DPP10: variants seen among roughly 807,000 people sequenced by gnomAD.
DPP10 encodes dipeptidyl peptidase like 10.
Under a neutral mutation model 120.9 loss-of-function variants are expected in DPP10, and 33 were observed. That is an observed-to-expected ratio of 0.27 (90% CI 0.21 to 0.37). The LOEUF is 0.37. DPP10 is among the 10% of genes least tolerant of loss of function. DPP10 has a pLI of 1.00. For synonymous variants in DPP10, 337 were observed against 326.1 expected, an observed-to-expected ratio of 1.03 and a Z score of -0.36; for missense variants, 816 against 942.8, an observed-to-expected ratio of 0.87 and a Z score of 1.76.
intron 1 of DPP10, among the ~76,000 whole-genome samples, chr2:115,255,548 T>C (rs529537938): frequency 1.3e-5 from 2 of 152,204 alleles, no homozygotes; most frequent in Non-Finnish European, 2.9e-5. Flanking sequence ...TGGGGTTTTC[T>C]TTTCTATCAT....
At chr2:114,853,679 G>T (rs1689149457) in intron 1 of DPP10, among the ~76,000 whole-genome samples, 1 of 152,134 alleles carries the variant, frequency 6.6e-6, no homozygotes, top group South Asian at 2.1e-4. Flanking sequence ...TGCAACTTGG[G>T]AGACTGTGAG....
chr2:115,365,258 C>G (rs894920295), intron 3 of DPP10, among the ~76,000 whole-genome samples: 1 of 151,966 alleles, frequency 6.6e-6, no homozygotes, highest in Non-Finnish European at 1.5e-5. Flanking sequence ...GATGGATTTG[C>G]TGAAATCCAG....
At chr2:114,608,442 G>T (rs773910078) in intron 1 of DPP10, among the ~76,000 whole-genome samples, 1 of 152,150 alleles carries the variant, frequency 6.6e-6, no homozygotes, top group Non-Finnish European at 1.5e-5. Context: ...TTTGCAGCTC[G>T]AGAAAGATGA....
Position 115,794,183 on chromosome 2 carries a change from C to T in DPP10, c.1700+2827C>T, listed in dbSNP as rs533113484. On this transcript the variant is annotated intron_variant, in intron 19 of 25. Coordinates refer to ENST00000410059, the MANE Select transcript of DPP10 (RefSeq NM_020868.6). ...TCATTCAGTGATTTTGGTGTCAGTA[C>T]TTTATTGCAATTTTGTGCCATATAT... 2.0e-5 allele frequency among the ~76,000 whole-genome samples: 3 copies of T among 152,190 alleles called. No homozygotes were observed. In the East Asian group the frequency reaches 5.8e-4, roughly 29 times the overall value.
chr2:114,448,434 G>T (rs1678064135), intron 1 of DPP10, among the ~76,000 whole-genome samples: 1 of 152,160 alleles, frequency 6.6e-6, no homozygotes. Context: ...AAGACATTAT[G>T]GGTCTACAAA....
intron 7 of DPP10, among the ~76,000 whole-genome samples, chr2:115,698,941 A>G (rs1362222954): frequency 6.6e-6 from 1 of 151,600 alleles, no homozygotes; most frequent in Admixed American, 6.6e-5. Context: ...TAGATAATTA[A>G]AAACAGAGAA....
intron 21 of DPP10, among the ~76,000 whole-genome samples, chr2:115,820,431 C>CTTTTTTTTTTTT (rs981405979): frequency 7.2e-6 from 1 of 138,644 alleles, no homozygotes; most frequent in Non-Finnish European, 1.6e-5. Flanking sequence ...ATTTTTTTTT[C>CTTTTTTTTTTTT]TTTTTTTTTT....
intron 3 of DPP10, among the ~76,000 whole-genome samples, chr2:115,367,192 C>T (rs185281733): frequency 6.6e-6 from 1 of 151,912 alleles, no homozygotes; most frequent in African/African-American, 2.4e-5. Context: ...GACAGACAGT[C>T]AGACAATAGT....
intron 1 of DPP10, among the ~76,000 whole-genome samples, chr2:114,708,517 C>A (rs991432231): frequency 1.3e-5 from 2 of 152,164 alleles, no homozygotes; most frequent in Non-Finnish European, 2.9e-5. Context: ...ACCACCGGCA[C>A]TTACTAATTG....
intron 5 of DPP10, among the ~76,000 whole-genome samples, chr2:115,528,554 C>G (rs2078271170): frequency 6.6e-6 from 1 of 151,790 alleles, no homozygotes. Flanking sequence ...ACACAAAAAC[C>G]TGTATGCAAA....
chr2:114,741,227 C>T (rs1196426012), intron 1 of DPP10, among the ~76,000 whole-genome samples: 4 of 152,176 alleles, frequency 2.6e-5, no homozygotes, highest in Non-Finnish European at 4.4e-5. Context: ...CATGCATAAC[C>T]TTTCTGTACC....
chr2:115,685,445 T>C (rs1217149601), intron 5 of DPP10, among the ~76,000 whole-genome samples: 1 of 151,994 alleles, frequency 6.6e-6, no homozygotes, highest in Non-Finnish European at 1.5e-5. Flanking sequence ...ACCAATGTAA[T>C]GTTTCTTGGC....
chr2:115,111,198 T>G (rs1306213532), intron 1 of DPP10, among the ~76,000 whole-genome samples: 1 of 152,128 alleles, frequency 6.6e-6, no homozygotes, highest in Admixed American at 6.5e-5. Flanking sequence ...CTAACTCATG[T>G]TCATAATCAT....
At chr2:115,582,904 G>T (rs2082080718) in intron 5 of DPP10, among the ~76,000 whole-genome samples, 1 of 151,996 alleles carries the variant, frequency 6.6e-6, no homozygotes, top group Non-Finnish European at 1.5e-5. Flanking sequence ...GAAATATCTG[G>T]CATCTACTAG....
chr2:115,078,995 T>G (rs1708025539), intron 1 of DPP10, among the ~76,000 whole-genome samples: 1 of 152,204 alleles, frequency 6.6e-6, no homozygotes, highest in African/African-American at 2.4e-5. Flanking sequence ...TCAAGTCTTA[T>G]TTTTTCTTCA....
chr2:115,131,145 A>G (rs1418111077), intron 1 of DPP10: 3 of 152,242 alleles, frequency 2.0e-5, no homozygotes, highest in Non-Finnish European at 2.9e-5. Context: ...TGAGTAATTC[A>G]GATGAGATGT....
chr2:115,177,521 T>C (rs1298725132), intron 1 of DPP10, among the ~76,000 whole-genome samples: 3 of 152,202 alleles, frequency 2.0e-5, no homozygotes, highest in Non-Finnish European at 2.9e-5. Flanking sequence ...CATCAAATAT[T>C]ACACAAATAT....
intron 1 of DPP10, among the ~76,000 whole-genome samples, chr2:114,513,431 G>T (rs974475420): frequency 3.4e-5 from 5 of 145,288 alleles, no homozygotes; most frequent in Non-Finnish European, 7.5e-5. Context: ...TGAGGCAGGA[G>T]AATTGCTTGA....
intron 1 of DPP10, among the ~76,000 whole-genome samples, chr2:114,479,382 T>C (rs1039127713): frequency 6.7e-5 from 10 of 148,616 alleles, no homozygotes; most frequent in African/African-American, 1.5e-4. Context: ...GTGGTATTGA[T>C]AGAGAGATAC....
Sources: gnomAD v4.1 joint callset for allele counts (sites outside exome capture counted in the v4.1 genomes callset) on GRCh38, gnomAD v4.1.1 for gene constraint, MANE v1.5 for transcripts, NCBI Gene and HGNC (gene_info 2026-07-23, HGNC 2026-07-21) for gene names.